MINK1: variants seen among roughly 807,000 people sequenced by gnomAD.
MINK1 encodes the protein misshapen-like kinase 1.
MINK1 carries 46 observed loss-of-function variants against 178.4 expected under a neutral mutation model. That is an observed-to-expected ratio of 0.26 (90% confidence interval 0.20 to 0.33). MINK1 has a LOEUF of 0.33. Ranked by LOEUF, MINK1 falls within the 10% of genes least tolerant of loss-of-function variation. The pLI, the probability that MINK1 is intolerant of heterozygous loss-of-function variation, is 1.00. For missense variants in MINK1, 1,366 were observed against 1,814.9 expected (o/e 0.75, Z 4.49); for synonymous variants, 797 against 709.7 (o/e 1.12, Z -1.96).
intron 1 of MINK1, among the ~76,000 whole-genome samples, chr17:4,849,007 G>T (rs1030337044): frequency 9.9e-5 from 15 of 152,214 alleles, no homozygotes; most frequent in Admixed American, 3.9e-4. Flanking sequence ...CCCTGACTTA[G>T]TATTTTGTTT....
At chr17:4,892,336 A>G in intron 17 of MINK1, 66 bp from the exon 18 acceptor site, 3 of 1,459,446 alleles carry the variant, frequency 2.1e-6, no homozygotes, top group Non-Finnish European at 2.8e-6. Flanking sequence ...GGGGTGGGAA[A>G]GCCCCAGCCC....
chr17:4,872,837 C>T (rs550167362), intron 1 of MINK1, among the ~76,000 whole-genome samples: 4 of 152,226 alleles, frequency 2.6e-5, no homozygotes, highest in Admixed American at 1.3e-4. Context: ...TGATGATGAA[C>T]GATCTTCCCT....
rs896590567 is a variant in MINK1 at position 4,897,463 on chromosome 17, C to T, written c.*176C>T. ...GATGCTTTCGTGATCACGTGACCATCCTCTTCCCCAACATGTCCTCTTCCC... is the reference window on the plus strand; with the variant it reads ...GATGCTTTCGTGATCACGTGACCATTCTCTTCCCCAACATGTCCTCTTCCC... On this transcript the variant is annotated 3_prime_UTR_variant, in exon 32 of 32. Transcript: ENST00000355280. 2.0e-5 allele frequency: 12 copies of T among 592,638 alleles called. No individual in the cohort carries two copies. In the Admixed American group the frequency reaches 2.8e-4, roughly 14 times the overall value. The allele number at this position is 592,638 out of a possible 1,614,324, so 36.7% of individuals were successfully genotyped here.
intron 12 of MINK1, 25 bp from the exon 13 acceptor site, chr17:4,889,622 T>G: frequency 6.4e-7 from 1 of 1,559,936 alleles, no homozygotes; most frequent in African/African-American, 1.4e-5. Context: ...GTATGGTTCT[T>G]AAGACCACCT....
intron 4 of MINK1, among the ~76,000 whole-genome samples, chr17:4,884,022 TCTC>T (rs937550356): frequency 1.3e-5 from 2 of 149,836 alleles, no homozygotes; most frequent in East Asian, 2.0e-4. Flanking sequence ...CTGTATTCCT[TCTC>T]CTCTTTTTTT....
intron 1 of MINK1, among the ~76,000 whole-genome samples, chr17:4,848,652 G>A (rs895725039): frequency 2.0e-5 from 3 of 152,092 alleles, no homozygotes; most frequent in African/African-American, 4.8e-5. Context: ...GAGCCACCGC[G>A]CCTGGCCTCG....
rs1337884552 is a variant in MINK1 at position 4,887,298 on chromosome 17, C to T, written c.1019+119C>T. ...TGGTGGGCACAGAGAGGTAGAGACT[C>T]CTGGAAACCAAATTTCTGAGTGCTA... On this transcript the variant is annotated intron_variant, in intron 11 of 31. Transcript: ENST00000355280. This position sits in a 1 kb window ranked among gnomAD's most constrained non-coding sequence, Gnocchi z 7.6. The T allele has an allele frequency of 1.9e-6, 2 of 1,053,082 alleles. No individual in the cohort carries two copies. The highest frequency in any genetic ancestry group is 2.6e-5 in the East Asian group (1 of 38,418). The allele number at this position is 1,053,082 out of a possible 1,614,324, so 65.2% of individuals were successfully genotyped here. A position where few individuals can be genotyped will look rare whatever the true frequency, so the allele number is the denominator to read the frequency against.
At chr17:4,897,145 C>T (rs1015360304) in intron 31 of MINK1, 59 bp from the exon 32 acceptor site, 8 of 1,430,138 alleles carry the variant, frequency 5.6e-6, no homozygotes, top group Non-Finnish European at 7.8e-6. Flanking sequence ...TTTCCCTCTC[C>T]CAGTTGAGAC....
At chr17:4,842,879 G>A (rs1910464895) in intron 1 of MINK1, among the ~76,000 whole-genome samples, 1 of 152,146 alleles carries the variant, frequency 6.6e-6, no homozygotes, top group South Asian at 2.1e-4. Flanking sequence ...TACATCTGGG[G>A]GAGTGACCAG....
At chr17:4,844,351 G>A (rs913999004) in intron 1 of MINK1, among the ~76,000 whole-genome samples, 4 of 152,250 alleles carry the variant, frequency 2.6e-5, no homozygotes, top group African/African-American at 9.6e-5. Context: ...ATGGTAAACA[G>A]GCTTTGTGGG....
intron 1 of MINK1, among the ~76,000 whole-genome samples, chr17:4,863,946 G>A (rs367635411): frequency 7.9e-5 from 12 of 152,022 alleles, no homozygotes; most frequent in East Asian, 5.9e-4. Flanking sequence ...GTGCCACCAC[G>A]CCCAGCTAAT....
At position 4,886,002 on chromosome 17, in the gene MINK1, A is replaced by G. The variant is rs1968160882; in HGVS notation, c.694+37A>G. ...GTCTGCCGGGAGTGGGAGGGGAGGG[A>G]AAGGAAGGGCCCAGAGAGTGGCTGT... On this transcript the variant is annotated intron_variant, in intron 8 of 31. Transcript: ENST00000355280. This position sits in a 1 kb window ranked among gnomAD's most constrained non-coding sequence, Gnocchi z 6.1. 28 of 1,612,202 alleles carry G rather than the reference A, an allele frequency of 1.7e-5. No homozygotes were observed. The highest frequency in any genetic ancestry group is 2.4e-5 in the Non-Finnish European group (28 of 1,178,716).
chr17:4,890,213 G>GCC, intron 13 of MINK1: 1 of 160,466 alleles, frequency 6.2e-6, no homozygotes, highest in Non-Finnish European at 9.7e-6. Context: ...CCCACACCCC[G>GCC]TCCCCCAGGA....
chr17:4,890,776 C>CAAGGCCTT (rs1179338706), intron 14 of MINK1, 41 bp downstream of exon 14: 1 of 1,534,230 alleles, frequency 6.5e-7, no homozygotes, highest in East Asian at 2.5e-5. Context: ...TGCAGTCCCA[C>CAAGGCCTT]TGCCTGAGGC....
Position 4,894,078 on chromosome 17 carries a change from C to T in MINK1, c.2655C>T (p.Thr885=), listed in dbSNP as rs1163820348. Residue 885 remains threonine (T), a synonymous_variant, in exon 22 of 32, where the codon ACC becomes ACT. Transcript: ENST00000355280. This position sits in a 1 kb window ranked among gnomAD's most constrained non-coding sequence, Gnocchi z 4.1. The part of the protein sequence containing the change: ...TGTQPPYGGG[T]MVVQRTPEEE... ...CCCAGCCCCCATACGGGGGCGGCAC[C>T]ATGGTGGTCCAGCGCGTGAGTGAGC... The T allele has an allele frequency of 1.0e-5, 16 of 1,589,176 alleles. No homozygotes were observed. The highest frequency in any genetic ancestry group is 1.2e-5 in the Non-Finnish European group (14 of 1,166,278).
At chr17:4,876,650 T>A (rs759236967) in intron 1 of MINK1, among the ~76,000 whole-genome samples, 1 of 152,028 alleles carries the variant, frequency 6.6e-6, no homozygotes, top group South Asian at 2.1e-4. Flanking sequence ...GAGTTTTAGA[T>A]TATATGCTTT....
rs757567342 is a variant in MINK1 at position 4,836,643 on chromosome 17, C to T, written c.57+3003C>T. ...GCAGAGTTGCTGAGGATTAAATGCA[C>T]GTTAAGTACATAGTACAGTTCCCAG... On this transcript the variant is annotated intron_variant, in intron 1 of 31. Coordinates refer to ENST00000355280, the MANE Select transcript of MINK1 (RefSeq NM_153827.5). The surrounding 1 kb of genome is among the most constrained non-coding windows in gnomAD (Gnocchi z 4.3). Among the ~76,000 whole-genome samples, 15 of 152,072 alleles carry T rather than the reference C, an allele frequency of 9.9e-5. No homozygotes were observed. The South Asian group carries it at 1.0e-3, about 11-fold the overall frequency.
In MINK1 at chr17:4,897,329, T is replaced by G. The variant is rs929366130; in HGVS notation, c.*42T>G. 2.5e-6 allele frequency: 4 copies of G among 1,574,356 alleles called. No homozygotes were observed. Among genetic ancestry groups the G allele is most frequent in the Non-Finnish European group, 2.6e-6 (3 of 1,147,052 alleles). On this transcript the variant is annotated 3_prime_UTR_variant, in exon 32 of 32. Transcript: ENST00000355280. ...GGCTGTCCCACACTGGACCCAGCTC[T>G]CCCCCTGCAGCCAGGCTTCCCGGGC...
At position 4,897,660 on chromosome 17, in the gene MINK1, C is replaced by G. The variant is rs1969694925; in HGVS notation, c.*373C>G. 1 of 171,612 alleles carries G rather than the reference C, an allele frequency of 5.8e-6. No homozygotes were observed. Among genetic ancestry groups the G allele is most frequent in the Non-Finnish European group, 1.2e-5 (1 of 80,824 alleles). 10.6% of individuals were successfully genotyped at this position (171,612 alleles called of 1,614,324 possible). A position where few individuals can be genotyped will look rare whatever the true frequency, so the allele number is the denominator to read the frequency against. On this transcript the variant is annotated 3_prime_UTR_variant, in exon 32 of 32. Coordinates refer to ENST00000355280, the MANE Select transcript of MINK1 (RefSeq NM_153827.5). The stretch of plus-strand genomic sequence containing the variant: ...AGGGCCCTGGACCCCTTTATTTGCA[C>G]GTCAGGGGAGCCGGCTCCCCCCTTG...
Sources: allele counts gnomAD v4.1 joint callset (sites outside exome capture counted in the v4.1 genomes callset), GRCh38; gene constraint gnomAD v4.1.1; non-coding constraint Gnocchi (gnomAD v3.1); transcripts MANE v1.5; gene names NCBI Gene and HGNC (gene_info 2026-07-23, HGNC 2026-07-21).